The following KATNAL1 variants were observed in gnomAD, a reference collection of about 807,000 sequenced individuals.
KATNAL1 encodes the protein katanin p60 ATPase-containing subunit A-like 1.
In KATNAL1, 32 loss-of-function variants were observed where a neutral mutation model predicts 55.2. The ratio of observed to expected loss-of-function variants is 0.58; its 90% confidence interval spans 0.44 to 0.78. KATNAL1 has a LOEUF of 0.78. Ranked by LOEUF, KATNAL1 falls within the 30% of genes least tolerant of loss-of-function variation. The probability of loss-of-function intolerance (pLI) is 0.00; values close to 1 mark genes in which losing one functional copy is unlikely to be tolerated. For synonymous variants in KATNAL1, 193 were observed against 193.6 expected, an observed-to-expected ratio of 1.00 and a Z score of 0.02; for missense variants, 466 against 600.9, an observed-to-expected ratio of 0.78 and a Z score of 2.35.
chr13:30,306,516 T>C (rs1446742081), intron 1 of KATNAL1, among the ~76,000 whole-genome samples: 1 of 152,128 alleles, frequency 6.6e-6, no homozygotes, highest in Non-Finnish European at 1.5e-5. Flanking sequence ...AATTCAAAAA[T>C]GCAAAAAGTT....
intron 9 of KATNAL1, among the ~76,000 whole-genome samples, chr13:30,221,208 T>G (rs1019219179): frequency 2.6e-5 from 4 of 152,170 alleles, no homozygotes; most frequent in African/African-American, 9.7e-5. Context: ...GTTTCAAAAT[T>G]TGTAGGTGAG....
chr13:30,252,237 A>C (rs1385400364), intron 4 of KATNAL1, among the ~76,000 whole-genome samples: 1 of 152,258 alleles, frequency 6.6e-6, no homozygotes, highest in African/African-American at 2.4e-5. Context: ...AAATAAACCA[A>C]TAAATGTAAA....
chr13:30,264,307 T>G (rs1368258291), intron 3 of KATNAL1, among the ~76,000 whole-genome samples: 2 of 141,432 alleles, frequency 1.4e-5, no homozygotes, highest in African/African-American at 5.2e-5. Flanking sequence ...ATTCAGGACA[T>G]AGGCATGGGC....
chr13:30,272,620 T>C (rs987373322), intron 3 of KATNAL1, among the ~76,000 whole-genome samples: 2 of 152,148 alleles, frequency 1.3e-5, no homozygotes, highest in Non-Finnish European at 2.9e-5. Flanking sequence ...ATAATTTCTG[T>C]CTTTCAGTTG....
intron 3 of KATNAL1, among the ~76,000 whole-genome samples, chr13:30,269,312 A>C (rs1366243035): frequency 6.6e-6 from 1 of 152,192 alleles, no homozygotes; most frequent in Non-Finnish European, 1.5e-5. Flanking sequence ...TCCAGCTCCT[A>C]ACCGCGAGTG....
chr13:30,222,737 A>G (rs962036160), intron 9 of KATNAL1, among the ~76,000 whole-genome samples: 1 of 152,248 alleles, frequency 6.6e-6, no homozygotes, highest in Non-Finnish European at 1.5e-5. Flanking sequence ...GCAAGATGGC[A>G]GACTTAAACA....
Position 30,231,553 on chromosome 13 carries a change from T to C in KATNAL1, c.727-81A>G, listed in dbSNP as rs922459634. 7.1e-5 allele frequency: 61 copies of C among 863,086 alleles called. No individual in the cohort carries two copies. The East Asian group carries it at 1.3e-3, about 19-fold the overall frequency. The allele number at this position is 863,086 out of a possible 1,614,324, so 53.5% of individuals were successfully genotyped here. A position where few individuals can be genotyped will look rare whatever the true frequency, so the allele number is the denominator to read the frequency against. On this transcript the variant is annotated intron_variant, in intron 6 of 10. Coordinates refer to ENST00000380615, the MANE Select transcript of KATNAL1 (RefSeq NM_032116.5). ...AATTATCATCAGCTATTAATGTACA[T>C]TGAGATTTTTCCATCAAAAGATAAA...
chr13:30,273,343 A>G (rs9315002), intron 3 of KATNAL1, among the ~76,000 whole-genome samples: 1 of 152,182 alleles, frequency 6.6e-6, no homozygotes, highest in African/African-American at 2.4e-5. Context: ...AAACTGTGCA[A>G]CAAGGCCACC....
At chr13:30,216,271 G>T (rs992356751) in intron 9 of KATNAL1, among the ~76,000 whole-genome samples, 3 of 152,136 alleles carry the variant, frequency 2.0e-5, no homozygotes, top group African/African-American at 7.2e-5. Context: ...CACTGTAAGG[G>T]AAAGGTGGTG....
chr13:30,237,196 C>G (rs1876774473), intron 6 of KATNAL1, among the ~76,000 whole-genome samples: 1 of 152,190 alleles, frequency 6.6e-6, no homozygotes, highest in Admixed American at 6.5e-5. Context: ...CTTAGCCTAT[C>G]ATGTGACACA....
intron 9 of KATNAL1, among the ~76,000 whole-genome samples, chr13:30,220,268 C>T (rs370194493): frequency 1.3e-5 from 2 of 152,096 alleles, no homozygotes; most frequent in East Asian, 3.8e-4. Flanking sequence ...GGAGACCAGC[C>T]TGGCCAACAT....
intron 3 of KATNAL1, among the ~76,000 whole-genome samples, chr13:30,278,128 A>G (rs1251655495): frequency 6.6e-6 from 1 of 151,986 alleles, no homozygotes; most frequent in Non-Finnish European, 1.5e-5. Context: ...CTATTACTCA[A>G]TGTATTATAT....
Position 30,307,512 on chromosome 13 carries a change from G to T in KATNAL1, c.-196C>A, listed in dbSNP as rs890124093. ...CGGTGGGCGCAGCGCGGGAGGGAGC[G>T]CGGGGGCTGTGAGTCCGCTCTGGGG... On this transcript the variant is annotated 5_prime_UTR_variant, in exon 1 of 11. Coordinates refer to ENST00000380615, the MANE Select transcript of KATNAL1 (RefSeq NM_032116.5). The T allele has an allele frequency of 6.6e-6, 1 of 152,300 alleles. No homozygotes were observed. The highest frequency in any genetic ancestry group is 2.4e-5 in the African/African-American group (1 of 41,456). The allele number at this position is 152,300 out of a possible 1,614,324, so 9.4% of individuals were successfully genotyped here. A position where few individuals can be genotyped will look rare whatever the true frequency, so the allele number is the denominator to read the frequency against.
intron 9 of KATNAL1, among the ~76,000 whole-genome samples, chr13:30,215,574 A>G (rs1056181415): frequency 4.6e-5 from 7 of 152,226 alleles, no homozygotes; most frequent in Non-Finnish European, 7.3e-5. Context: ...GCACATATAC[A>G]CCATGGAATA....
intron 3 of KATNAL1, among the ~76,000 whole-genome samples, chr13:30,271,726 T>C (rs1447393909): frequency 2.0e-5 from 3 of 152,060 alleles, no homozygotes. Context: ...CCTGGTGGAT[T>C]GTCAAGTTCT....
At position 30,240,504 on chromosome 13, in the gene KATNAL1, T is replaced by C. The variant is rs182471772; in HGVS notation, c.682A>G (p.Met228Val). 89 of 1,613,902 alleles carry C rather than the reference T, an allele frequency of 5.5e-5. No individual in the cohort carries two copies. Among genetic ancestry groups the C allele is most frequent in the East Asian group, 3.6e-4 (16 of 44,852 alleles). Residue 228 changes from methionine (M) to valine (V), a missense_variant, in exon 6 of 11, where the codon ATG becomes GTG. Around this residue, in one of 3 missense-constraint regions of KATNAL1, gnomAD observed 248 missense variants for 275.5 expected, o/e 0.90. Coordinates refer to ENST00000380615, the MANE Select transcript of KATNAL1 (RefSeq NM_032116.5). Reference sequence around the variant, plus strand: ...CCTTTGAAAAAGTCAGGCATCCACATTGGAAGAACAACAGCTTCCCTTAGC... The same window carrying C: ...CCTTTGAAAAAGTCAGGCATCCACACTGGAAGAACAACAGCTTCCCTTAGC... Reference protein sequence around the residue: ...KLLREAVVLPMWMPDFFKGIR... With the variant: ...KLLREAVVLPVWMPDFFKGIR...
At chr13:30,269,054 C>T (rs1033771172) in intron 3 of KATNAL1, among the ~76,000 whole-genome samples, 4 of 152,092 alleles carry the variant, frequency 2.6e-5, no homozygotes, top group African/African-American at 9.7e-5. Context: ...AATAAAGCTG[C>T]TCCCTCTCCC....
At position 30,273,270 on chromosome 13, in the gene KATNAL1, T is replaced by C. The variant is rs1017244981; in HGVS notation, c.323+6793A>G. Among the ~76,000 whole-genome samples, 86 of 152,334 alleles carry C rather than the reference T, an allele frequency of 5.6e-4. 1 individual carries two copies. Among genetic ancestry groups the C allele is most frequent in the Admixed American group, 5.3e-3 (81 of 15,292 alleles). ...TCATTGAGGGAGCTGTGCATACTTA[T>C]CATCTTCTGCTCCTCTCTCTGCGTT... is the stretch of plus-strand genomic sequence containing the variant. On this transcript the variant is annotated intron_variant, in intron 3 of 10. Transcript: ENST00000380615.
At chr13:30,279,553 A>G (rs1485985721) in intron 3 of KATNAL1, among the ~76,000 whole-genome samples, 1 of 152,226 alleles carries the variant, frequency 6.6e-6, no homozygotes, top group African/African-American at 2.4e-5. Context: ...TAAATGATGC[A>G]CAGGCTGGGT....
Sources: allele counts gnomAD v4.1 joint callset (sites outside exome capture counted in the v4.1 genomes callset), GRCh38; gene constraint gnomAD v4.1.1; regional missense constraint gnomAD v4.1.1; transcripts MANE v1.5; gene names NCBI Gene and HGNC (gene_info 2026-07-23, HGNC 2026-07-21).